The following ACSM2B variants were observed in gnomAD, a reference collection of about 807,000 sequenced individuals.
ACSM2B encodes acyl-coenzyme A synthetase ACSM2B, mitochondrial.
A neutral mutation model predicts 78.6 loss-of-function variants in ACSM2B; 58 were observed. That is an observed-to-expected ratio of 0.74 (90% CI 0.60 to 0.92). ACSM2B has a LOEUF of 0.92. ACSM2B is among the 40% of genes least tolerant of loss of function. The pLI, the probability that ACSM2B is intolerant of heterozygous loss-of-function variation, is 0.00. For missense variants in ACSM2B, 688 were observed against 711.2 expected, an observed-to-expected ratio of 0.97 and a Z score of 0.37; for synonymous variants, 257 against 256.8, an observed-to-expected ratio of 1.00 and a Z score of -0.01.
intron 2 of ACSM2B, among the ~76,000 whole-genome samples, chr16:20,559,743 T>C (rs192493333): frequency 6.6e-6 from 1 of 150,912 alleles, no homozygotes; most frequent in East Asian, 1.9e-4. Context: ...TGATAAAGTG[T>C]ACTTTTCAAA....
intron 1 of ACSM2B, among the ~76,000 whole-genome samples, chr16:20,566,043 T>C (rs11865010): frequency 0.33 from 48,856 of 147,928 alleles, 10,656 homozygotes; most frequent in East Asian, 0.87. Context: ...TATACATATA[T>C]GCATACTATA....
At chr16:20,540,107 G>C (rs1164079664) in intron 13 of ACSM2B, among the ~76,000 whole-genome samples, 1 of 152,158 alleles carries the variant, frequency 6.6e-6, no homozygotes, top group Non-Finnish European at 1.5e-5. Context: ...TCCCTTGACA[G>C]CATTTGGCTT....
At chr16:20,551,037 C>T (rs2015295419) in intron 6 of ACSM2B, among the ~76,000 whole-genome samples, 1 of 152,126 alleles carries the variant, frequency 6.6e-6, no homozygotes, top group South Asian at 2.1e-4. Flanking sequence ...ATACATGCAA[C>T]ACATGGACTA....
intron 1 of ACSM2B, among the ~76,000 whole-genome samples, chr16:20,568,326 T>C (rs1414819432): frequency 7.0e-6 from 1 of 142,686 alleles, no homozygotes; most frequent in Non-Finnish European, 1.5e-5. Context: ...TATATACAAT[T>C]ATATAATGTA....
intron 1 of ACSM2B, among the ~76,000 whole-genome samples, chr16:20,568,986 G>A (rs1344179087): frequency 2.0e-5 from 3 of 151,796 alleles, no homozygotes. Flanking sequence ...TGTATAGATT[G>A]TGAAGATTTT....
At chr16:20,565,486 G>A (rs147596242) in intron 1 of ACSM2B, among the ~76,000 whole-genome samples, 59 of 152,186 alleles carry the variant, frequency 3.9e-4, no homozygotes, top group African/African-American at 1.4e-3. Flanking sequence ...ACCCATAGGG[G>A]GAAAATATGC....
intron 2 of ACSM2B, among the ~76,000 whole-genome samples, chr16:20,563,000 T>G (rs2015710637): frequency 6.6e-6 from 1 of 152,294 alleles, no homozygotes; most frequent in African/African-American, 2.4e-5. Context: ...TATAATTCCA[T>G]TCCCAACCAA....
rs1325103876 is a variant in ACSM2B at position 20,536,731 on chromosome 16, T to G, written c.*527A>C. 6.6e-6 allele frequency: 1 copy of G among 152,070 alleles called. No homozygotes were observed. Among genetic ancestry groups the G allele is most frequent in the Non-Finnish European group, 1.5e-5 (1 of 68,030 alleles). The allele number at this position is 152,070 out of a possible 1,614,324, so 9.4% of individuals were successfully genotyped here. A position where few individuals can be genotyped will look rare whatever the true frequency, so the allele number is the denominator to read the frequency against. Reference sequence around the variant, plus strand: ...CTTCCATGACTTTTCTTTATCAGTTTCTTTTACTATTTTTATTTTTACAAT... The same window carrying G: ...CTTCCATGACTTTTCTTTATCAGTTGCTTTTACTATTTTTATTTTTACAAT... On this transcript the variant is annotated 3_prime_UTR_variant, in exon 14 of 14. Coordinates refer to ENST00000329697, the MANE Select transcript of ACSM2B (RefSeq NM_001105069.2).
chr16:20,557,024 G>T (rs1416195677), intron 3 of ACSM2B, among the ~76,000 whole-genome samples: 1 of 151,988 alleles, frequency 6.6e-6, no homozygotes, highest in Non-Finnish European at 1.5e-5. Context: ...TGCGGCGGGT[G>T]GGAGCTTTTA....
chr16:20,561,661 C>T (rs1387298779), intron 2 of ACSM2B, among the ~76,000 whole-genome samples: 1 of 151,770 alleles, frequency 6.6e-6, no homozygotes, highest in Non-Finnish European at 1.5e-5. Flanking sequence ...ATGTCCTTCT[C>T]ACATTGAAAA....
Position 20,545,300 on chromosome 16 carries a change from G to A in ACSM2B, c.1180-42C>T, listed in dbSNP as rs952385662. The A allele has an allele frequency of 3.8e-6, 6 of 1,591,202 alleles. No individual in the cohort carries two copies. The African/African-American group carries it at 5.4e-5, about 14-fold the overall frequency. Reference sequence around the variant, plus strand: ...ATTGGAAGAATGACGCACACAGCAGGAGATGGCTTCAATGGCAGCAGGAGA... The same window carrying A: ...ATTGGAAGAATGACGCACACAGCAGAAGATGGCTTCAATGGCAGCAGGAGA... On this transcript the variant is annotated intron_variant, in intron 9 of 13. Coordinates refer to ENST00000329697, the MANE Select transcript of ACSM2B (RefSeq NM_001105069.2).
intron 1 of ACSM2B, among the ~76,000 whole-genome samples, chr16:20,574,828 C>A (rs1371980447): frequency 6.6e-6 from 1 of 150,894 alleles, no homozygotes; most frequent in Non-Finnish European, 1.5e-5. Flanking sequence ...GCAATCTTGG[C>A]AGATTTGAGG....
At chr16:20,555,068 C>A (rs1175202927) in intron 4 of ACSM2B, among the ~76,000 whole-genome samples, 3 of 152,012 alleles carry the variant, frequency 2.0e-5, no homozygotes, top group African/African-American at 2.4e-5. Context: ...CTCAGAAGGT[C>A]CAGGCAGATC....
At chr16:20,556,466 G>T (rs540405512) in intron 3 of ACSM2B, among the ~76,000 whole-genome samples, 75 of 152,266 alleles carry the variant, frequency 4.9e-4, no homozygotes, top group Non-Finnish European at 7.2e-4. Flanking sequence ...TCTGGGCTTG[G>T]TGGCACACGC....
At chr16:20,548,261 G>A (rs1370809970) in intron 7 of ACSM2B, 76 bp from the exon 8 acceptor site, 4 of 1,609,900 alleles carry the variant, frequency 2.5e-6, no homozygotes, top group South Asian at 2.2e-5. Flanking sequence ...TTGGTTTCTG[G>A]GTGCTTTGAT....
At chr16:20,561,369 C>T (rs140996864) in intron 2 of ACSM2B, among the ~76,000 whole-genome samples, 16,463 of 150,736 alleles carry the variant, frequency 0.11, 1,863 homozygotes, top group African/African-American at 0.28. Context: ...AAGATTACAG[C>T]CATGGAAGAA....
chr16:20,564,631 A>G, intron 2 of ACSM2B, 38 bp downstream of exon 2: 2 of 1,605,130 alleles, frequency 1.2e-6, no homozygotes, highest in Non-Finnish European at 1.7e-6. Flanking sequence ...AAAGTCAACA[A>G]AATTGTCTCA....
intron 7 of ACSM2B, 44 bp from the exon 8 acceptor site, chr16:20,548,229 C>A: frequency 6.2e-7 from 1 of 1,613,392 alleles, no homozygotes; most frequent in South Asian, 1.1e-5. Flanking sequence ...TCCCTGGAAC[C>A]AAAGTCCACT....
intron 13 of ACSM2B, 30 bp downstream of exon 13, chr16:20,540,624 T>C: frequency 6.2e-7 from 1 of 1,607,820 alleles, no homozygotes; most frequent in East Asian, 2.2e-5. Flanking sequence ...TTTCTCAAGT[T>C]TGAGTGACTT....
Sources: allele counts gnomAD v4.1 joint callset (sites outside exome capture counted in the v4.1 genomes callset), GRCh38; gene constraint gnomAD v4.1.1; transcripts MANE v1.5; gene names NCBI Gene and HGNC (gene_info 2026-07-23, HGNC 2026-07-21).